Variants in MYL6B observed in about 807,000 individuals in gnomAD.
The protein encoded by MYL6B is myosin light chain 6B.
Under a neutral mutation model 24.5 loss-of-function variants are expected in MYL6B, and 19 were observed. That is an observed-to-expected ratio of 0.78 (90% CI 0.54 to 1.14). The LOEUF (loss-of-function observed/expected upper bound fraction) is 1.14. MYL6B is among the 50% of genes most tolerant of loss of function. MYL6B has a pLI of 0.00. For synonymous variants in MYL6B, 90 were observed against 100.7 expected, an observed-to-expected ratio of 0.89 and a Z score of 0.64; for missense variants, 230 against 263.8, an observed-to-expected ratio of 0.87 and a Z score of 0.89.
Position 56,157,614 on chromosome 12 carries a change from C to G in MYL6B, c.598+69C>G. On this transcript the variant is annotated intron_variant, in intron 6 of 6. Coordinates refer to ENST00000553066, the Ensembl canonical transcript of MYL6B. ...AGCCTGGCGTCTTGCCGCGTGTGGG[C>G]GGGGGCACCCCTGGATTACCTAGAG... is the stretch of plus-strand genomic sequence containing the variant. 13 of 1,612,516 alleles carry G rather than the reference C, an allele frequency of 8.1e-6. No individual in the cohort carries two copies. The South Asian group carries it at 1.4e-4, about 18-fold the overall frequency.
intron 5 of MYL6B, chr12:56,156,345 CTGTAATCCCAGCACT>C (rs1871303856): frequency 6.6e-6 from 1 of 150,976 alleles, no homozygotes; most frequent in Non-Finnish European, 1.5e-5. Flanking sequence ...TGGCTCAAGC[CTGTAATCCCAGCACT>C]TTGGGAAGCC....
intron 1 of MYL6B, 100 bp from the exon 2 acceptor site, chr12:56,153,773 C>A (rs982063640): frequency 2.5e-6 from 2 of 791,628 alleles, no homozygotes; most frequent in Non-Finnish European, 3.9e-6. Flanking sequence ...TGAGGGCAGG[C>A]GGTTATATCT....
chr12:56,154,670 T>G, intron 2 of MYL6B, 143 bp from the exon 3 acceptor site: 3 of 866,370 alleles, frequency 3.5e-6, no homozygotes, highest in Non-Finnish European at 5.5e-6. Flanking sequence ...GGCCCAGAGC[T>G]GGGAATGGGA....
exon 7 of MYL6B, chr12:56,157,721 G>T: frequency 6.2e-7 from 1 of 1,612,228 alleles, no homozygotes; most frequent in Non-Finnish European, 8.5e-7. Flanking sequence ...CATCCTAAGC[G>T]TCTGAGTGCT....
exon 6 of MYL6B, chr12:56,157,512 C>G: frequency 1.2e-6 from 2 of 1,613,878 alleles, no homozygotes; most frequent in African/African-American, 2.7e-5. Flanking sequence ...TCTGGCAGGA[C>G]ACGAGGACAG....
chr12:56,156,596 C>G (rs1871316561), intron 5 of MYL6B, among the ~76,000 whole-genome samples: 1 of 151,380 alleles, frequency 6.6e-6, no homozygotes, highest in Non-Finnish European at 1.5e-5. Flanking sequence ...TAGAGCAAGA[C>G]TCAGTTTAAA....
exon 4 of MYL6B, chr12:56,155,062 G>A (rs151242776): frequency 1.7e-5 from 28 of 1,611,162 alleles, no homozygotes; most frequent in South Asian, 7.7e-5. Context: ...TAGAGTTCAA[G>A]GAGGCCTTCG....
intron 5 of MYL6B, chr12:56,157,220 C>A: frequency 2.2e-6 from 1 of 451,808 alleles, no homozygotes; most frequent in Non-Finnish European, 4.1e-6. Flanking sequence ...CATGGCGAAA[C>A]CTCGTCTCTA....
rs769120799 is a variant in MYL6B at position 56,157,491 on chromosome 12, G to T, written c.544G>T (p.Val182Leu). 12 of 1,614,134 alleles carry T rather than the reference G, an allele frequency of 7.4e-6. No homozygotes were observed. The South Asian group carries it at 1.3e-4, about 18-fold the overall frequency. ...AGGAGAGAAGATGACTGAGGAGGAG[G>T]TGGAGACCGTTCTGGCAGGACACGA... Residue 182 changes from valine (V) to leucine (L), a missense_variant, in exon 6 of 7, where the codon GTG becomes TTG. Transcript: ENST00000553066.
chr12:56,155,687 G>A (rs747618939), intron 5 of MYL6B, 95 bp downstream of exon 5: 2 of 1,592,734 alleles, frequency 1.3e-6, no homozygotes, highest in South Asian at 2.2e-5. Context: ...CTAGCAGGAG[G>A]CTTACTGTCC....
intron 5 of MYL6B, 123 bp downstream of exon 5, chr12:56,155,715 A>C (rs1456502868): frequency 6.4e-7 from 1 of 1,557,228 alleles, no homozygotes; most frequent in Non-Finnish European, 8.6e-7. Flanking sequence ...TGTCGGCAGG[A>C]GACTGAGAAG....
chr12:56,155,475 G>T, exon 5 of MYL6B: 2 of 1,614,096 alleles, frequency 1.2e-6, no homozygotes, highest in Non-Finnish European at 1.7e-6. Flanking sequence ...CCAGGCAGTG[G>T]CCAAGAACCG....
At chr12:56,157,371 A>C (rs973386080) in intron 5 of MYL6B, 97 bp from the exon 6 acceptor site, 4 of 1,169,914 alleles carry the variant, frequency 3.4e-6, no homozygotes, top group Non-Finnish European at 4.9e-6. Context: ...CCTGAGCGAC[A>C]GGAGCGAAAC....
rs970726127 is a variant in MYL6B, at chr12:56,155,295, G to A, written c.346+97G>A. ...GGTGGATCTCAGGACTTCAAAAACTGTCAAACACAGAAGCAGGAAAATATC... is the reference window on the plus strand; with the variant it reads ...GGTGGATCTCAGGACTTCAAAAACTATCAAACACAGAAGCAGGAAAATATC... On this transcript the variant is annotated intron_variant, in intron 4 of 6. Transcript: ENST00000553066. 3.2e-6 allele frequency: 5 copies of A among 1,560,998 alleles called. No homozygotes were observed. In the Admixed American group the frequency reaches 9.6e-5, roughly 30 times the overall value.
At chr12:56,155,188 C>T (rs775001042) in exon 4 of MYL6B, 2 of 1,603,348 alleles carry the variant, frequency 1.2e-6, no homozygotes, top group East Asian at 2.2e-5. Context: ...TGGGGAACCC[C>T]AAGAGTGATG....
Position 56,157,738 on chromosome 12 carries a change from A to G in MYL6B, c.*12A>G. 1 of 1,611,162 alleles carries G rather than the reference A, an allele frequency of 6.2e-7. No individual in the cohort carries two copies. ...TCCTAAGCGTCTGAGTGCTGCAGGT[A>G]GGGCCCTCCCACCCCTTCGCCGCGC... On this transcript the variant is annotated 3_prime_UTR_variant, in exon 7 of 7. Transcript: ENST00000553066.
exon 6 of MYL6B, chr12:56,157,526 C>A (rs1449402584): frequency 2.5e-6 from 4 of 1,613,254 alleles, no homozygotes; most frequent in African/African-American, 1.3e-5. Flanking sequence ...AGGACAGCAA[C>A]GGCTGCATCA....
chr12:56,153,825 C>T, intron 1 of MYL6B, 48 bp from the exon 2 acceptor site: 5 of 1,351,774 alleles, frequency 3.7e-6, no homozygotes, highest in Non-Finnish European at 5.0e-6. Context: ...GGCTCCCTGC[C>T]CCTGCCCCCG....
chr12:56,152,652 G>A (rs1871143799), intron 1 of MYL6B, 21 bp downstream of exon 1: 1 of 151,970 alleles, frequency 6.6e-6, no homozygotes, highest in African/African-American at 2.4e-5. Flanking sequence ...GGGGGCTGAG[G>A]AGGGCCATTT....
Sources: allele counts gnomAD v4.1 joint callset (sites outside exome capture counted in the v4.1 genomes callset), GRCh38; gene constraint gnomAD v4.1.1; transcripts MANE v1.5; gene names NCBI Gene and HGNC (gene_info 2026-07-23, HGNC 2026-07-21).